The following ARMC3 variants were observed in gnomAD, a reference collection of about 807,000 sequenced individuals.
The protein encoded by ARMC3 is armadillo repeat-containing protein 3.
Under a neutral mutation model 90.3 loss-of-function variants are expected in ARMC3, and 74 were observed. The ratio of observed to expected loss-of-function variants is 0.82; its 90% confidence interval spans 0.68 to 0.99. ARMC3 has a LOEUF of 0.99. ARMC3 is among the 50% of genes least tolerant of loss of function. ARMC3 has a pLI of 0.00. For missense variants in ARMC3, 958 were observed against 1,042.8 expected, an observed-to-expected ratio of 0.92 and a Z score of 1.12; for synonymous variants, 334 against 361.8, an observed-to-expected ratio of 0.92 and a Z score of 0.87.
intron 8 of ARMC3, among the ~76,000 whole-genome samples, chr10:22,978,593 G>C (rs1382570727): frequency 1.3e-5 from 2 of 152,176 alleles, no homozygotes; most frequent in Non-Finnish European, 2.9e-5. Context: ...CTATCTGCCA[G>C]ACACAGCCAG....
chr10:23,002,177 T>TCCCCAGG lies in ARMC3; in HGVS notation c.1562+122_1562+123insCCCCAGG. 2.2e-6 allele frequency: 3 copies of TCCCCAGG among 1,388,718 alleles called. No individual in the cohort carries two copies. The South Asian group carries it at 4.6e-5, about 21-fold the overall frequency. The allele number at this position is 1,388,718 out of a possible 1,614,324, so 86.0% of individuals were successfully genotyped here. Reference sequence around the variant, plus strand: ...CTGCTCTCTCAGTCCGCTGAAGCGCTGCATGTCCCCAGGGCGGGCCTTGGC... The same window carrying TCCCCAGG: ...CTGCTCTCTCAGTCCGCTGAAGCGCTCCCCAGGGCATGTCCCCAGGGCGGGCCTTGGC... On this transcript the variant is annotated intron_variant, in intron 12 of 18. Coordinates refer to ENST00000298032, the MANE Select transcript of ARMC3 (RefSeq NM_173081.5).
rs147764028 is a variant in ARMC3 at position 22,940,511 on chromosome 10, G to A, written c.49-5633G>A. 3.1e-3 allele frequency among the ~76,000 whole-genome samples: 465 copies of A among 152,242 alleles called. 4 individuals are homozygous for A. Among genetic ancestry groups the A allele is most frequent in the East Asian group, 0.027 (141 of 5,176 alleles). Reference sequence around the variant, plus strand: ...TGTATTTTTTTCTTTTTTTGAGACAGGGTCTCACTCTTTTGCCCAGGCTGG... The same window carrying A: ...TGTATTTTTTTCTTTTTTTGAGACAAGGTCTCACTCTTTTGCCCAGGCTGG... On this transcript the variant is annotated intron_variant, in intron 2 of 18. Transcript: ENST00000298032.
At chr10:22,943,765 T>A (rs1834412815) in intron 2 of ARMC3, among the ~76,000 whole-genome samples, 2 of 151,950 alleles carry the variant, frequency 1.3e-5, no homozygotes, top group East Asian at 3.9e-4. Flanking sequence ...AAACCCCATC[T>A]CTACTAAAAA....
In ARMC3 at chr10:22,996,064, T is replaced by G. The variant is rs561196709; in HGVS notation, c.1176-2084T>G. Among the ~76,000 whole-genome samples, 6 of 152,302 alleles carry G rather than the reference T, an allele frequency of 3.9e-5. No individual in the cohort carries two copies. The South Asian group carries it at 8.3e-4, about 21-fold the overall frequency. On this transcript the variant is annotated intron_variant, in intron 10 of 18. Coordinates refer to ENST00000298032, the MANE Select transcript of ARMC3 (RefSeq NM_173081.5). The stretch of plus-strand genomic sequence containing the variant: ...AAGGTATTTGGTTTAAGGGGCTGAT[T>G]GCATTAAATACCTCAAAAATAAGTC...
At chr10:22,953,938 C>A (rs1479537903) in intron 3 of ARMC3, among the ~76,000 whole-genome samples, 2 of 152,148 alleles carry the variant, frequency 1.3e-5, no homozygotes, top group Non-Finnish European at 2.9e-5. Flanking sequence ...AAGAAACTGC[C>A]AAACCATTTT....
intron 18 of ARMC3, among the ~76,000 whole-genome samples, chr10:23,035,920 G>A (rs1839108923): frequency 2.6e-5 from 4 of 152,128 alleles, no homozygotes; most frequent in Admixed American, 1.3e-4. Flanking sequence ...AAAACAGGGA[G>A]TTTCAGATGG....
intron 1 of ARMC3, among the ~76,000 whole-genome samples, chr10:22,931,778 C>T (rs576597468): frequency 5.3e-5 from 8 of 152,312 alleles, no homozygotes; most frequent in Admixed American, 2.6e-4. Context: ...CCAGGACTAA[C>T]ACTCAATGAT....
chr10:22,977,078 A>C (rs1835959171), intron 8 of ARMC3, among the ~76,000 whole-genome samples: 1 of 152,010 alleles, frequency 6.6e-6, no homozygotes, highest in African/African-American at 2.4e-5. Context: ...TTTTATACTC[A>C]TTTGCTCTGG....
intron 8 of ARMC3, among the ~76,000 whole-genome samples, chr10:22,974,729 G>A (rs930105008): frequency 6.6e-6 from 1 of 151,814 alleles, no homozygotes; most frequent in Non-Finnish European, 1.5e-5. Flanking sequence ...TGCAACCTCC[G>A]GCTCCTGGGT....
chr10:22,946,143 G>T lies in ARMC3; in HGVS notation c.49-1G>T. On this transcript the variant is annotated splice_acceptor_variant, in intron 2 of 18. Transcript: ENST00000298032. LOFTEE classifies it high-confidence loss of function. ...CTGATAGTTTTCTTTCTGCCTTTCA[G>T]TTTGACCCATTAATGATTGAAAGCA... The T allele has an allele frequency of 1.3e-6, 2 of 1,593,760 alleles. No individual in the cohort carries two copies. Among genetic ancestry groups the T allele is most frequent in the Middle Eastern group, 1.7e-4 (1 of 6,002 alleles).
In ARMC3 at chr10:22,998,343, C is replaced by G; in HGVS notation, c.1371C>G (p.Ser457Arg). 6.2e-7 allele frequency: 1 copy of G among 1,613,962 alleles called. No individual in the cohort carries two copies. Among genetic ancestry groups the G allele is most frequent in the East Asian group, 2.2e-5 (1 of 44,860 alleles). The change falls in exon 11 of 19, where the codon AGC becomes AGG. Residue 457 changes from serine to arginine, a missense_variant. Transcript: ENST00000298032. ...PLRSANTVVQ[S>R]KAALAVTATA... ...GTTCTGCAAACACAGTCGTGCAGAG[C>G]AAAGCTGCTCTCGCTGTCACCGCAA...
intron 8 of ARMC3, among the ~76,000 whole-genome samples, chr10:22,981,013 G>C (rs1251455133): frequency 1.3e-5 from 2 of 152,186 alleles, no homozygotes; most frequent in African/African-American, 4.8e-5. Flanking sequence ...TGAACAAATA[G>C]CCTGTGAACA....
intron 16 of ARMC3, chr10:23,014,512 A>G (rs567059897): frequency 9.9e-7 from 1 of 1,007,546 alleles, no homozygotes; most frequent in African/African-American, 1.7e-5. Context: ...ATTTTATGTT[A>G]AAAAGAGTGA....
At chr10:22,964,730 T>TG (rs1200453297) in intron 7 of ARMC3, among the ~76,000 whole-genome samples, 6 of 151,490 alleles carry the variant, frequency 4.0e-5, no homozygotes, top group African/African-American at 1.5e-4. Flanking sequence ...CATGAGCCAC[T>TG]GCACCCGGCC....
intron 8 of ARMC3, among the ~76,000 whole-genome samples, chr10:22,974,610 G>T (rs1835833611): frequency 6.6e-6 from 1 of 151,090 alleles, no homozygotes; most frequent in African/African-American, 2.4e-5. Flanking sequence ...AGAGGTTATA[G>T]ATTCCCCTCT....
chr10:22,975,194 C>A (rs546712683), intron 8 of ARMC3, among the ~76,000 whole-genome samples: 1 of 152,076 alleles, frequency 6.6e-6, no homozygotes. Flanking sequence ...GGTTTGTTGC[C>A]TTCAAACATA....
rs529805035 is a variant in ARMC3, at chr10:23,036,950, A to AC, written c.2410-320_2410-319insC. 1.7e-4 allele frequency among the ~76,000 whole-genome samples: 26 copies of AC among 152,352 alleles called. No individual in the cohort carries two copies. In the East Asian group the frequency reaches 4.4e-3, roughly 26 times the overall value. Reference sequence around the variant, plus strand: ...AGAGCCCAGAAGTTTGGAAAGATGGATAGATGCACTAGTGCAAAGAGTGCA... The same window carrying AC: ...AGAGCCCAGAAGTTTGGAAAGATGGACTAGATGCACTAGTGCAAAGAGTGCA... On this transcript the variant is annotated intron_variant, in intron 18 of 18. Transcript: ENST00000298032.
intron 16 of ARMC3, among the ~76,000 whole-genome samples, chr10:23,028,974 C>G (rs749684539): frequency 5.3e-5 from 8 of 152,126 alleles, no homozygotes; most frequent in African/African-American, 1.9e-4. Context: ...TTACCTTGAT[C>G]TACTGCACTC....
chr10:22,957,882 T>C (rs1835014616), intron 4 of ARMC3, among the ~76,000 whole-genome samples: 1 of 152,204 alleles, frequency 6.6e-6, no homozygotes, highest in Non-Finnish European at 1.5e-5. Context: ...TCTACTTACA[T>C]ACCATTGAAT....
Sources: gnomAD v4.1 joint callset for allele counts (sites outside exome capture counted in the v4.1 genomes callset) on GRCh38, gnomAD v4.1.1 for gene constraint, MANE v1.5 for transcripts, NCBI Gene and HGNC (gene_info 2026-07-23, HGNC 2026-07-21) for gene names.